ATP11C: variants seen among roughly 807,000 people sequenced by gnomAD.
ATP11C encodes phospholipid-transporting ATPase IG.
ATP11C carries 36 observed loss-of-function variants against 97.4 expected under a neutral mutation model. That is an observed-to-expected ratio of 0.37 (90% confidence interval 0.28 to 0.49). The LOEUF (loss-of-function observed/expected upper bound fraction) is 0.49, where lower values mean the gene tolerates loss of function less well. Ranked by LOEUF, ATP11C falls within the 20% of genes least tolerant of loss-of-function variation. The pLI, the probability that ATP11C is intolerant of heterozygous loss-of-function variation, is 0.98. For missense variants in ATP11C, 730 were observed against 824.6 expected (o/e 0.89, Z 1.40); for synonymous variants, 275 against 290.9 (o/e 0.95, Z 0.56).
chrX:139,800,979 C>T (rs1391971692), intron 7 of ATP11C, among the ~76,000 whole-genome samples: 1 of 112,051 alleles, frequency 8.9e-6, no homozygotes, highest in Non-Finnish European at 1.9e-5. Context: ...GAAATGGCTC[C>T]TTGCCCTATA....
At chrX:139,771,878 G>A (rs2082260621) in intron 19 of ATP11C, among the ~76,000 whole-genome samples, 1 of 112,236 alleles carries the variant, frequency 8.9e-6, no homozygotes, top group African/African-American at 3.2e-5. Flanking sequence ...GCAGCCTGAT[G>A]ATGCGACAGA....
intron 1 of ATP11C, among the ~76,000 whole-genome samples, chrX:139,911,038 CAGG>C (rs900783998): frequency 3.6e-5 from 4 of 110,842 alleles, no homozygotes; most frequent in African/African-American, 1.3e-4. Context: ...AAAAAAGAAA[CAGG>C]AGACTAGCTT....
chrX:139,881,766 T>C (rs1056514756), intron 1 of ATP11C, among the ~76,000 whole-genome samples: 2 of 112,081 alleles, frequency 1.8e-5, no homozygotes, highest in African/African-American at 6.5e-5. Context: ...TTATCGCACT[T>C]TTCCTGGCAG....
chrX:139,739,749 T>C (rs1326287854), intron 27 of ATP11C, among the ~76,000 whole-genome samples: 2 of 111,737 alleles, frequency 1.8e-5, no homozygotes, highest in African/African-American at 6.5e-5. Flanking sequence ...AAATTTTGCA[T>C]AATTAGTTCA....
intron 1 of ATP11C, among the ~76,000 whole-genome samples, chrX:139,920,911 G>A (rs968186058): frequency 6.3e-5 from 7 of 111,756 alleles, no homozygotes; most frequent in African/African-American, 2.3e-4. Context: ...TTGAATGGTG[G>A]TAGGTGTGGG....
intron 19 of ATP11C, 91 bp downstream of exon 19, chrX:139,774,599 T>C (rs1166099150): frequency 2.5e-6 from 2 of 802,235 alleles, no homozygotes; most frequent in Non-Finnish European, 3.5e-6. Flanking sequence ...CAGAAAATCA[T>C]GCATTACAGA....
intron 1 of ATP11C, among the ~76,000 whole-genome samples, chrX:139,897,140 C>A (rs921043033): frequency 9.2e-6 from 1 of 109,128 alleles, no homozygotes; most frequent in East Asian, 2.9e-4. Context: ...GGTGGGAGAA[C>A]TACTTGAAAC....
chrX:139,744,792 C>A (rs1364887957), intron 25 of ATP11C, among the ~76,000 whole-genome samples: 1 of 111,330 alleles, frequency 9.0e-6, no homozygotes, highest in Non-Finnish European at 1.9e-5. Flanking sequence ...CTGTGTTTCC[C>A]CAACAAGTAC....
chrX:139,784,361 CTT>C (rs2082528873), intron 16 of ATP11C, among the ~76,000 whole-genome samples: 1 of 111,556 alleles, frequency 9.0e-6, no homozygotes, highest in African/African-American at 3.3e-5. Context: ...AATTTCATGA[CTT>C]TGCAATCACA....
At chrX:139,740,212 T>TA (rs963387833) in intron 27 of ATP11C, among the ~76,000 whole-genome samples, 6 of 109,667 alleles carry the variant, frequency 5.5e-5, no homozygotes, top group African/African-American at 1.6e-4. Context: ...AGCCATTCAC[T>TA]AAAAAAAACA....
At chrX:139,873,706 C>CAAAAA (rs58064711) in intron 1 of ATP11C, among the ~76,000 whole-genome samples, 2 of 17,298 alleles carry the variant, frequency 1.2e-4, no homozygotes, top group East Asian at 1.6e-3. Flanking sequence ...GACTCCAACT[C>CAAAAA]AAAAAAAAAA....
chrX:139,910,988 G>C (rs2085064861), intron 1 of ATP11C, among the ~76,000 whole-genome samples: 1 of 111,513 alleles, frequency 9.0e-6, no homozygotes, highest in South Asian at 3.8e-4. Flanking sequence ...CCTGAAAAGT[G>C]AGGCTCAAAA....
At chrX:139,757,054 G>A (rs1171273671) in intron 23 of ATP11C, among the ~76,000 whole-genome samples, 5 of 108,146 alleles carry the variant, frequency 4.6e-5, no homozygotes, top group African/African-American at 1.3e-4. Context: ...ATACATAAGT[G>A]TATTCATAAG....
chrX:139,726,417 C>G lies in ATP11C; in HGVS notation c.*2549G>C, dbSNP rs2081252749. The G allele has an allele frequency of 1.8e-5, 2 of 112,499 alleles. No homozygotes were observed. Among genetic ancestry groups the G allele is most frequent in the African/African-American group, 6.5e-5 (2 of 30,906 alleles). The allele number at this position is 112,499 out of a possible 1,213,427, so 9.3% of individuals were successfully genotyped here. On this transcript the variant is annotated 3_prime_UTR_variant, in exon 30 of 30. Coordinates refer to ENST00000682941, the MANE Select transcript of ATP11C (RefSeq NM_001353812.2). ...TTTCTGTAATGGAAAAGGCAAGTTG[C>G]AGTCATAAAAGATGGCATTCACATT...
intron 7 of ATP11C, among the ~76,000 whole-genome samples, chrX:139,801,991 T>C (rs2082936224): frequency 8.9e-6 from 1 of 111,839 alleles, no homozygotes; most frequent in African/African-American, 3.3e-5. Context: ...TTTTGATATA[T>C]GGCCATGTTT....
At chrX:139,880,684 C>CA (rs757512955) in intron 1 of ATP11C, among the ~76,000 whole-genome samples, 2 of 111,316 alleles carry the variant, frequency 1.8e-5, no homozygotes, top group Non-Finnish European at 3.8e-5. Flanking sequence ...ACCTGATCAG[C>CA]AAAAATCAAG....
intron 8 of ATP11C, among the ~76,000 whole-genome samples, chrX:139,799,315 T>C (rs1280281519): frequency 9.0e-6 from 1 of 111,631 alleles, no homozygotes; most frequent in Non-Finnish European, 1.9e-5. Context: ...ATACATACAA[T>C]TCGTATACAT....
At chrX:139,770,728 G>A (rs1397596227) in intron 19 of ATP11C, among the ~76,000 whole-genome samples, 1 of 111,104 alleles carries the variant, frequency 9.0e-6, no homozygotes, top group Non-Finnish European at 1.9e-5. Flanking sequence ...GACTGTGCCC[G>A]ACTCCAAACA....
At position 139,798,752 on chromosome X, in the gene ATP11C, A is replaced by T; in HGVS notation, c.711-9T>A. 8.4e-7 allele frequency: 1 copy of T among 1,197,442 alleles called. No individual in the cohort carries two copies. ...TTTCAGGTCCCAAAGACCTAAATAAAAAATGAACACAGCTTATCCAAACAA... is the reference window on the plus strand; with the variant it reads ...TTTCAGGTCCCAAAGACCTAAATAATAAATGAACACAGCTTATCCAAACAA... On this transcript the variant is annotated splice_polypyrimidine_tract_variant and intron_variant, in intron 8 of 29. Coordinates refer to ENST00000682941, the MANE Select transcript of ATP11C (RefSeq NM_001353812.2).
Sources: allele counts gnomAD v4.1 joint callset (sites outside exome capture counted in the v4.1 genomes callset), GRCh38; gene constraint gnomAD v4.1.1; transcripts MANE v1.5; gene names NCBI Gene and HGNC (gene_info 2026-07-23, HGNC 2026-07-21).